PALM2AKAP2: variants seen among roughly 807,000 people sequenced by gnomAD.
PALM2AKAP2 encodes PALM2 and AKAP2 fusion, also known as PALM2-AKAP2 fusion protein.
A neutral mutation model predicts 71.5 loss-of-function variants in PALM2AKAP2; 37 were observed. The observed-to-expected ratio is 0.52, with a 90% CI of 0.40 to 0.68. PALM2AKAP2 has a LOEUF of 0.68. PALM2AKAP2 is among the 30% of genes least tolerant of loss of function. The probability of loss-of-function intolerance (pLI) is 0.00; values close to 1 mark genes in which losing one functional copy is unlikely to be tolerated. For synonymous variants in PALM2AKAP2, 468 were observed against 478.8 expected, an observed-to-expected ratio of 0.98 and a Z score of 0.29; for missense variants, 1,224 against 1,191.8, an observed-to-expected ratio of 1.03 and a Z score of -0.40.
chr9:110,025,033 C>T (rs1345347732), intron 7 of PALM2AKAP2: 6 of 1,268,776 alleles, frequency 4.7e-6, no homozygotes, highest in Non-Finnish European at 1.1e-6. Flanking sequence ...TGATCATTTT[C>T]CTTCACACAT....
exon 2 of PALM2AKAP2, chr9:110,136,326 A>G (rs752282963): frequency 1.9e-6 from 3 of 1,613,990 alleles, no homozygotes; most frequent in South Asian, 1.1e-5. Context: ...TCCGCTTTCT[A>G]TTCACCCCCG....
At chr9:110,147,095 A>G (rs1836192716) in intron 2 of PALM2AKAP2, among the ~76,000 whole-genome samples, 1 of 152,090 alleles carries the variant, frequency 6.6e-6, no homozygotes. Context: ...TACCAAAAAT[A>G]TAAAAATGAG....
intron 6 of PALM2AKAP2, among the ~76,000 whole-genome samples, chr9:109,940,935 G>A (rs7029365): frequency 0.41 from 61,575 of 151,976 alleles, 13,324 homozygotes; most frequent in Non-Finnish European, 0.48. Flanking sequence ...TGGAGCACAG[G>A]CTGGCAGGGG....
At chr9:110,120,572 G>A (rs910413047) in intron 1 of PALM2AKAP2, among the ~76,000 whole-genome samples, 5 of 152,174 alleles carry the variant, frequency 3.3e-5, no homozygotes, top group East Asian at 1.9e-4. Flanking sequence ...GTGCGATCTC[G>A]GCTCACTGCA....
At position 110,036,859 on chromosome 9, in the gene PALM2AKAP2, C is replaced by T. The variant is rs1833419866; in HGVS notation, c.582+20820C>T. Reference sequence around the variant, plus strand: ...CGAATGCTTTTCCCCTTGATGTCTCCCTGGCTCACTTCCTTCCATTCTCCA... The same window carrying T: ...CGAATGCTTTTCCCCTTGATGTCTCTCTGGCTCACTTCCTTCCATTCTCCA... On this transcript the variant is annotated intron_variant, in intron 7 of 9. Coordinates refer to the PALM2AKAP2 transcript ENST00000302798. Among the ~76,000 whole-genome samples, 3 of 152,096 alleles carry T rather than the reference C, an allele frequency of 2.0e-5. No homozygotes were observed. The South Asian group carries it at 6.2e-4, about 32-fold the overall frequency.
At chr9:110,169,826 T>C (rs895958432) in exon 4 of PALM2AKAP2, 1 of 152,654 alleles carries the variant, frequency 6.6e-6, no homozygotes, top group Non-Finnish European at 1.5e-5. Flanking sequence ...TGTGTGTGTG[T>C]GTGTATTAAA....
At chr9:110,085,154 G>A (rs1588098645) in intron 1 of PALM2AKAP2, among the ~76,000 whole-genome samples, 2 of 152,312 alleles carry the variant, frequency 1.3e-5, no homozygotes, top group African/African-American at 2.4e-5. Context: ...AAAAATCGGA[G>A]GGAAGCAGGC....
chr9:109,877,569 A>G (rs948635682), intron 2 of PALM2AKAP2, among the ~76,000 whole-genome samples: 1 of 152,238 alleles, frequency 6.6e-6, no homozygotes, highest in African/African-American at 2.4e-5. Flanking sequence ...AATAAAGCAG[A>G]GGCCAAGGGA....
intron 1 of PALM2AKAP2, among the ~76,000 whole-genome samples, chr9:109,845,620 T>A (rs1207608837): frequency 6.7e-6 from 1 of 149,004 alleles, no homozygotes; most frequent in East Asian, 2.0e-4. Context: ...TCAGTGGGTA[T>A]CTAATCTGTA....
chr9:109,666,182 C>T (rs1229179158), intron 1 of PALM2AKAP2, among the ~76,000 whole-genome samples: 1 of 152,210 alleles, frequency 6.6e-6, no homozygotes, highest in Non-Finnish European at 1.5e-5. Context: ...GGCTCACCCT[C>T]TGTGGGCTGC....
At chr9:109,734,942 A>T (rs1828607843) in intron 1 of PALM2AKAP2, among the ~76,000 whole-genome samples, 1 of 152,024 alleles carries the variant, frequency 6.6e-6, no homozygotes, top group Non-Finnish European at 1.5e-5. Context: ...CTCCACTGCC[A>T]TCTTGTCAAA....
intron 1 of PALM2AKAP2, among the ~76,000 whole-genome samples, chr9:109,725,167 G>A (rs1828458201): frequency 6.6e-6 from 1 of 152,062 alleles, no homozygotes; most frequent in Non-Finnish European, 1.5e-5. Context: ...AGGAGCCTAG[G>A]GTTGGCAAGA....
chr9:109,774,072 CT>C, intron 1 of PALM2AKAP2, among the ~76,000 whole-genome samples: 1 of 152,218 alleles, frequency 6.6e-6, no homozygotes. Context: ...AAATTTCTCT[CT>C]TGTCAGCAGT....
intron 1 of PALM2AKAP2, among the ~76,000 whole-genome samples, chr9:110,114,129 T>A (rs556057251): frequency 6.6e-6 from 1 of 152,328 alleles, no homozygotes; most frequent in East Asian, 1.9e-4. Context: ...TCAGGAGTCC[T>A]GAAGTCTGAA....
chr9:110,034,919 A>G lies in PALM2AKAP2; in HGVS notation c.582+18880A>G, dbSNP rs555644118. ...CGCCCGGCTGCCATATATTCTTTGT[A>G]TAAGTGACAGGTCTGAAAATAGCTG... is the stretch of plus-strand genomic sequence containing the variant. On this transcript the variant is annotated intron_variant, in intron 7 of 9. Coordinates refer to the PALM2AKAP2 transcript ENST00000302798. 8.6e-5 allele frequency among the ~76,000 whole-genome samples: 13 copies of G among 151,954 alleles called. No homozygotes were observed. In the East Asian group the frequency reaches 1.7e-3, roughly 20 times the overall value.
intron 3 of PALM2AKAP2, among the ~76,000 whole-genome samples, chr9:109,883,561 A>G (rs1316789842): frequency 6.6e-6 from 1 of 152,198 alleles, no homozygotes; most frequent in Non-Finnish European, 1.5e-5. Flanking sequence ...TCTTGCTGGC[A>G]TCTTCTCTAC....
chr9:110,073,480 G>A (rs1834253387), intron 1 of PALM2AKAP2, among the ~76,000 whole-genome samples: 1 of 152,092 alleles, frequency 6.6e-6, no homozygotes, highest in African/African-American at 2.4e-5. Flanking sequence ...CTCAAGCCAG[G>A]GTTAGCCTAG....
In PALM2AKAP2 at chr9:109,932,634, G is replaced by C. The variant is rs111267449; in HGVS notation, c.496+606G>C. Reference sequence around the variant, plus strand: ...ATATATTTATGAGTGTTGAGTGTAGGGAGAACCATGCTTTGCTCTGCTTAA... The same window carrying C: ...ATATATTTATGAGTGTTGAGTGTAGCGAGAACCATGCTTTGCTCTGCTTAA... On this transcript the variant is annotated intron_variant, in intron 6 of 9. Coordinates refer to the PALM2AKAP2 transcript ENST00000302798. Among the ~76,000 whole-genome samples, 367 of 152,248 alleles carry C rather than the reference G, an allele frequency of 2.4e-3. 1 individual carries two copies. Among genetic ancestry groups the C allele is most frequent in the African/African-American group, 8.3e-3 (345 of 41,530 alleles).
intron 1 of PALM2AKAP2, among the ~76,000 whole-genome samples, chr9:109,681,474 A>G (rs1462395208): frequency 6.6e-6 from 1 of 152,230 alleles, no homozygotes; most frequent in Admixed American, 6.5e-5. Context: ...ACTAAGCACA[A>G]TGTCACAGTG....
Sources: allele counts gnomAD v4.1 joint callset (sites outside exome capture counted in the v4.1 genomes callset), GRCh38; gene constraint gnomAD v4.1.1; transcripts MANE v1.5; gene names NCBI Gene and HGNC (gene_info 2026-07-23, HGNC 2026-07-21).